Variants in LEPROTL1 observed in about 807,000 individuals in gnomAD.
The protein encoded by LEPROTL1 is leptin receptor overlapping transcript like 1, also known as leptin receptor overlapping transcript-like 1.
Under a neutral mutation model 15.4 loss-of-function variants are expected in LEPROTL1, and 6 were observed. The observed-to-expected ratio is 0.39, with a 90% CI of 0.21 to 0.77. LEPROTL1 has a LOEUF of 0.77. Among genes scored for constraint, LEPROTL1 ranks in the 30% least tolerant of loss-of-function variants. The pLI is 0.41. For missense variants in LEPROTL1, 128 were observed against 158.1 expected (o/e 0.81, Z 1.02); for synonymous variants, 56 against 52.6 (o/e 1.06, Z -0.28).
chr8:30,136,295 T>G (rs979065178), intron 4 of LEPROTL1, among the ~76,000 whole-genome samples: 3 of 152,104 alleles, frequency 2.0e-5, no homozygotes, highest in Admixed American at 1.3e-4. Flanking sequence ...AACAGACAAT[T>G]AGGACACAGA....
At position 30,105,803 on chromosome 8, in the gene LEPROTL1, A is replaced by G. The variant is rs1429429920; in HGVS notation, c.337A>G (p.Ile113Val). The G allele has an allele frequency of 1.9e-6, 3 of 1,583,110 alleles. No individual in the cohort carries two copies. Among genetic ancestry groups the G allele is most frequent in the South Asian group, 2.3e-5 (2 of 87,394 alleles). ...AGGAAACACAGTCATCTTTGCAACT[A>G]TACTAGGCTTTTTCTTGGTCTTTGG... ...LTGNTVIFATILGFFLVFGSN... is the reference protein window; with the variant it reads ...LTGNTVIFATVLGFFLVFGSN... The change falls in exon 4 of 4, where the codon ATA becomes GTA. Residue 113 changes from isoleucine (I) to valine (V), a missense_variant. Coordinates refer to ENST00000321250, the MANE Select transcript of LEPROTL1 (RefSeq NM_015344.3).
downstream of LEPROTL1, among the ~76,000 whole-genome samples, chr8:30,110,109 A>G (rs1227010200): frequency 1.3e-4 from 20 of 152,070 alleles, no homozygotes; most frequent in Admixed American, 1.3e-3. Flanking sequence ...TTTACAGTTT[A>G]TTTTTACAAG....
At chr8:30,097,730 T>A (rs1187602582) in intron 1 of LEPROTL1, among the ~76,000 whole-genome samples, 42 of 139,636 alleles carry the variant, frequency 3.0e-4, no homozygotes, top group African/African-American at 1.0e-3. Context: ...CACACACATA[T>A]TTAGTATTTA....
chr8:30,125,276 A>T (rs1182446123), intron 3 of LEPROTL1, among the ~76,000 whole-genome samples: 1 of 152,240 alleles, frequency 6.6e-6, no homozygotes, highest in Non-Finnish European at 1.5e-5. Context: ...GACTGTTATG[A>T]GCTGCCAAAT....
At chr8:30,132,540 T>C in intron 4 of LEPROTL1, 2 of 1,551,672 alleles carry the variant, frequency 1.3e-6, no homozygotes, top group East Asian at 2.4e-5. Context: ...TGCACTCGAA[T>C]TGCTGGCAAT....
At chr8:30,136,449 AT>A (rs1803141893) in intron 4 of LEPROTL1, among the ~76,000 whole-genome samples, 1 of 152,132 alleles carries the variant, frequency 6.6e-6, no homozygotes, top group Non-Finnish European at 1.5e-5. Flanking sequence ...GAGGAAATGA[AT>A]TTCTGTTGTT....
At chr8:30,128,819 C>T (rs1046700455) in intron 3 of LEPROTL1, among the ~76,000 whole-genome samples, 2 of 150,448 alleles carry the variant, frequency 1.3e-5, no homozygotes, top group Non-Finnish European at 3.0e-5. Flanking sequence ...AAGTGTACCT[C>T]TCGAAGGATT....
intron 3 of LEPROTL1, among the ~76,000 whole-genome samples, chr8:30,123,446 A>G (rs1802860582): frequency 6.6e-6 from 1 of 152,248 alleles, no homozygotes; most frequent in South Asian, 2.1e-4. Flanking sequence ...CAATCAATGA[A>G]CATGATATAT....
At position 30,106,408 on chromosome 8, in the gene LEPROTL1, C is replaced by T. The variant is rs954495784; in HGVS notation, c.*546C>T. On this transcript the variant is annotated 3_prime_UTR_variant, in exon 4 of 4. Coordinates refer to ENST00000321250, the MANE Select transcript of LEPROTL1 (RefSeq NM_015344.3). ...TGTATACTCAGTGCAAATATAGCTGCATTTATACCTCAGAGGGGCCAAGTG... is the reference window on the plus strand; with the variant it reads ...TGTATACTCAGTGCAAATATAGCTGTATTTATACCTCAGAGGGGCCAAGTG... 1.9e-5 allele frequency: 19 copies of T among 985,798 alleles called. No homozygotes were observed. The highest frequency in any genetic ancestry group is 2.3e-5 in the Non-Finnish European group (19 of 829,902). The allele number at this position is 985,798 out of a possible 1,614,324, so 61.1% of individuals were successfully genotyped here.
At chr8:30,111,332 C>T (rs1023865061), downstream of LEPROTL1, among the ~76,000 whole-genome samples, 2 of 152,066 alleles carry the variant, frequency 1.3e-5, no homozygotes, top group African/African-American at 4.8e-5. Context: ...TTTAAATGGC[C>T]TAGTAATTAT....
chr8:30,132,102 C>T (rs147268143), intron 3 of LEPROTL1: 1 of 1,551,682 alleles, frequency 6.4e-7, no homozygotes, highest in Non-Finnish European at 8.7e-7. Context: ...GGGTGTGGGC[C>T]CAGGTGAGGG....
chr8:30,111,722 G>A (rs16876485), downstream of LEPROTL1, among the ~76,000 whole-genome samples: 1,989 of 152,288 alleles, frequency 0.013, 43 homozygotes, highest in East Asian at 0.073. Flanking sequence ...TGGAGTTCAC[G>A]GAAGGGAAAG....
chr8:30,119,163 G>T (rs1802788261), intron 3 of LEPROTL1, among the ~76,000 whole-genome samples: 1 of 152,208 alleles, frequency 6.6e-6, no homozygotes, highest in Admixed American at 6.5e-5. Flanking sequence ...CATACTGCCT[G>T]TAAACATTTT....
In LEPROTL1 at chr8:30,106,014, A is replaced by G. The variant is rs111836861; in HGVS notation, c.*152A>G. 1.3e-5 allele frequency: 16 copies of G among 1,228,908 alleles called. No homozygotes were observed. The African/African-American group carries it at 1.4e-4, about 11-fold the overall frequency. The allele number at this position is 1,228,908 out of a possible 1,614,324, so 76.1% of individuals were successfully genotyped here. On this transcript the variant is annotated 3_prime_UTR_variant, in exon 4 of 4. Coordinates refer to ENST00000321250, the MANE Select transcript of LEPROTL1 (RefSeq NM_015344.3). ...TTCTCACTTTTATTGTAAGCATACTATTTTCACAGAGACTTGCTGAAGGAT... is the reference window on the plus strand; with the variant it reads ...TTCTCACTTTTATTGTAAGCATACTGTTTTCACAGAGACTTGCTGAAGGAT...
At chr8:30,109,155 A>G (rs73224575), downstream of LEPROTL1, among the ~76,000 whole-genome samples, 3,685 of 152,282 alleles carry the variant, frequency 0.024, 68 homozygotes, top group Non-Finnish European at 0.036. Flanking sequence ...TAAGTTTCAG[A>G]TAACTTTTAA....
intron 3 of LEPROTL1, among the ~76,000 whole-genome samples, chr8:30,121,155 TC>T (rs1418778252): frequency 6.6e-6 from 1 of 152,228 alleles, no homozygotes; most frequent in Non-Finnish European, 1.5e-5. Flanking sequence ...CTACATTTAC[TC>T]GATTCTCTTA....
chr8:30,128,128 C>T (rs549781674), intron 3 of LEPROTL1, among the ~76,000 whole-genome samples: 3 of 152,294 alleles, frequency 2.0e-5, no homozygotes, highest in African/African-American at 7.2e-5. Flanking sequence ...GGGCTGTCCT[C>T]TGGGCAGACA....
At chr8:30,121,309 G>A (rs774932779) in intron 3 of LEPROTL1, among the ~76,000 whole-genome samples, 5 of 151,858 alleles carry the variant, frequency 3.3e-5, no homozygotes, top group Non-Finnish European at 5.9e-5. Context: ...CTGGAGTGCC[G>A]TGGCTCCATC....
rs1802350467 is a variant in LEPROTL1, at chr8:30,095,737, C to T, written c.16+209C>T. The T allele has an allele frequency of 5.8e-6, 4 of 692,396 alleles. No individual in the cohort carries two copies. The South Asian group carries it at 6.0e-5, about 10-fold the overall frequency. 42.9% of individuals were successfully genotyped at this position (692,396 alleles called of 1,614,324 possible). The stretch of plus-strand genomic sequence containing the variant: ...ACGGACGGTTGCGACCCCGGCTTCG[C>T]CCCGCAGCCCCCACTTTCTGCCGAT... On this transcript the variant is annotated intron_variant, in intron 1 of 3. Coordinates refer to ENST00000321250, the MANE Select transcript of LEPROTL1 (RefSeq NM_015344.3).
Sources: allele counts gnomAD v4.1 joint callset (sites outside exome capture counted in the v4.1 genomes callset), GRCh38; gene constraint gnomAD v4.1.1; transcripts MANE v1.5; gene names NCBI Gene and HGNC (gene_info 2026-07-23, HGNC 2026-07-21).